TSPAN11: variants seen among roughly 807,000 people sequenced by gnomAD.
TSPAN11 encodes tetraspanin 11.
Under a neutral mutation model 32.9 loss-of-function variants are expected in TSPAN11, and 29 were observed. The ratio of observed to expected loss-of-function variants is 0.88; its 90% CI spans 0.66 to 1.20. The LOEUF (loss-of-function observed/expected upper bound fraction) is 1.20. Among genes scored for constraint, TSPAN11 ranks in the 50% most tolerant of loss-of-function variants. The pLI is 0.00. For synonymous variants in TSPAN11, 140 were observed against 141.3 expected (o/e 0.99, Z 0.07); for missense variants, 283 against 329.1 (o/e 0.86, Z 1.08).
At chr12:31,000,294 G>A (rs1321650355), downstream of TSPAN11, among the ~76,000 whole-genome samples, 2 of 152,164 alleles carry the variant, frequency 1.3e-5, no homozygotes, top group Non-Finnish European at 2.9e-5. Context: ...CATCCACCTC[G>A]ATACACCAAC....
chr12:30,963,058 A>C (rs1938645282), intron 2 of TSPAN11, among the ~76,000 whole-genome samples: 1 of 152,194 alleles, frequency 6.6e-6, no homozygotes. Flanking sequence ...CCTATCTGCA[A>C]ATCAGGAGGG....
intron 3 of TSPAN11, among the ~76,000 whole-genome samples, chr12:30,974,103 T>C (rs1592488355): frequency 6.6e-6 from 1 of 152,234 alleles, no homozygotes; most frequent in African/African-American, 2.4e-5. Flanking sequence ...GCCGCAGAGG[T>C]GCCCTCCCAG....
chr12:30,940,271 GT>G (rs746253559), intron 1 of TSPAN11, among the ~76,000 whole-genome samples: 13 of 152,214 alleles, frequency 8.5e-5, no homozygotes, highest in Non-Finnish European at 1.2e-4. Context: ...TTCTCAAAGA[GT>G]TCATGAGTGT....
At chr12:30,940,582 C>T (rs1026171136) in intron 1 of TSPAN11, among the ~76,000 whole-genome samples, 1 of 152,090 alleles carries the variant, frequency 6.6e-6, no homozygotes, top group African/African-American at 2.4e-5. Flanking sequence ...AAGAGCCAAC[C>T]TGGGATGTTT....
chr12:30,965,395 A>G (rs117786619), intron 3 of TSPAN11, among the ~76,000 whole-genome samples: 2 of 152,098 alleles, frequency 1.3e-5, no homozygotes, highest in Non-Finnish European at 2.9e-5. Flanking sequence ...CCGTCGGGTC[A>G]TCTTGTTTAG....
intron 7 of TSPAN11, among the ~76,000 whole-genome samples, chr12:30,990,221 G>A (rs1939285066): frequency 6.6e-6 from 1 of 152,196 alleles, no homozygotes; most frequent in Non-Finnish European, 1.5e-5. Flanking sequence ...CCCTTACTGT[G>A]CCTGTCCTGG....
At position 30,978,542 on chromosome 12, in the gene TSPAN11, CCTCT is replaced by C. The variant is rs750842465; in HGVS notation, c.277-14_277-11del. 6.2e-7 allele frequency: 1 copy of C among 1,613,740 alleles called. No homozygotes were observed. The highest frequency in any genetic ancestry group is 2.2e-5 in the East Asian group (1 of 44,882). ...GCAACCCGATCCCAGTGGTGACCGT[CCTCT>C]CTCTTTGCTGCTAGTATTTCTGCCT... On this transcript the variant is annotated splice_polypyrimidine_tract_variant and intron_variant, in intron 3 of 7. Coordinates refer to ENST00000546076, the MANE Select transcript of TSPAN11 (RefSeq NM_001370302.1).
Position 30,954,019 on chromosome 12 carries a change from G to C in TSPAN11, c.28G>C (p.Asp10His). The C allele has an allele frequency of 6.2e-7, 1 of 1,613,844 alleles. No homozygotes were observed. Among genetic ancestry groups the C allele is most frequent in the Non-Finnish European group, 8.5e-7 (1 of 1,180,016 alleles). MAHYKTEQD[D>H]WLIIYLKYLL... ...GGCCCACTATAAGACTGAGCAGGACGACTGGCTGATCATCTACTTGAAGTA... is the reference window on the plus strand; with the variant it reads ...GGCCCACTATAAGACTGAGCAGGACCACTGGCTGATCATCTACTTGAAGTA... The change falls in exon 2 of 8, where the codon GAC becomes CAC. Residue 10 changes from aspartate (D) to histidine (H), a missense_variant. Asp to His is a moderately conservative substitution (Grantham distance 81, BLOSUM62 -1). Coordinates refer to ENST00000546076, the MANE Select transcript of TSPAN11 (RefSeq NM_001370302.1).
At chr12:30,950,256 G>T (rs1938356151) in intron 1 of TSPAN11, among the ~76,000 whole-genome samples, 1 of 152,162 alleles carries the variant, frequency 6.6e-6, no homozygotes, top group African/African-American at 2.4e-5. Context: ...CTCATACTCT[G>T]TACCAGTGGC....
chr12:30,946,042 G>T (rs1938260572), intron 1 of TSPAN11, among the ~76,000 whole-genome samples: 1 of 152,214 alleles, frequency 6.6e-6, no homozygotes, highest in African/African-American at 2.4e-5. Flanking sequence ...CGCTCAGTTA[G>T]TTTGTTTCAG....
At position 30,963,918 on chromosome 12, in the gene TSPAN11, C is replaced by T. The variant is rs1938670578; in HGVS notation, c.177C>T (p.Ala59=). The change falls in exon 3 of 8, where the codon GCC becomes GCT. Residue 59 remains alanine, a synonymous_variant. Coordinates refer to ENST00000546076, the MANE Select transcript of TSPAN11 (RefSeq NM_001370302.1). ...LSVLASSTFA[A]SAYILIFAGV... ...TCCTGGCCTCCAGCACCTTTGCCGC[C>T]TCCGCCTACATCCTCATCTTTGCGG... 2.5e-6 allele frequency: 4 copies of T among 1,613,776 alleles called. No individual in the cohort carries two copies. The highest frequency in any genetic ancestry group is 2.2e-5 in the East Asian group (1 of 44,890).
intron 1 of TSPAN11, among the ~76,000 whole-genome samples, chr12:30,944,683 CTGTT>C (rs1938231986): frequency 6.6e-6 from 1 of 152,214 alleles, no homozygotes; most frequent in South Asian, 2.1e-4. Flanking sequence ...CAATGGAAGA[CTGTT>C]TGGTCTTTTA....
At chr12:30,943,836 G>A (rs532502622) in intron 1 of TSPAN11, among the ~76,000 whole-genome samples, 1 of 152,366 alleles carries the variant, frequency 6.6e-6, no homozygotes, top group South Asian at 2.1e-4. Context: ...AGAGGGAAAC[G>A]GGCACAGAAG....
At chr12:30,936,563 G>A (rs1023588510) in intron 1 of TSPAN11, among the ~76,000 whole-genome samples, 4 of 152,194 alleles carry the variant, frequency 2.6e-5, no homozygotes, top group Non-Finnish European at 4.4e-5. Context: ...TGGTGGGTTC[G>A]CAAGATGTTC....
chr12:30,973,675 C>T (rs1452617204), intron 3 of TSPAN11, among the ~76,000 whole-genome samples: 1 of 152,140 alleles, frequency 6.6e-6, no homozygotes, highest in African/African-American at 2.4e-5. Context: ...AGCGGGGGCC[C>T]TCTCTGGCAC....
Position 30,948,489 on chromosome 12 carries a change from C to T in TSPAN11, c.-11-5492C>T, listed in dbSNP as rs540347315. Among the ~76,000 whole-genome samples the T allele has an allele frequency of 3.9e-5, 6 of 152,212 alleles. No homozygotes were observed. In the South Asian group the frequency reaches 8.3e-4, roughly 21 times the overall value. ...CAAACCTCAGTTCTTGACTTCTGTG[C>T]ACCCACAGGCCCAACACCACGTGGA... On this transcript the variant is annotated intron_variant, in intron 1 of 7. Coordinates refer to ENST00000546076, the MANE Select transcript of TSPAN11 (RefSeq NM_001370302.1).
At chr12:31,000,895 C>CA (rs1352501494), downstream of TSPAN11, among the ~76,000 whole-genome samples, 1 of 152,184 alleles carries the variant, frequency 6.6e-6, no homozygotes, top group African/African-American at 2.4e-5. Context: ...GGATGAATAG[C>CA]AAAAATGCTG....
At chr12:30,957,228 A>C (rs1260926043) in intron 2 of TSPAN11, among the ~76,000 whole-genome samples, 1,445 of 106,874 alleles carry the variant, frequency 0.014, no homozygotes, top group Admixed American at 0.022. Context: ...ATGGCCTGGG[A>C]CCCCCCCCCC....
intron 5 of TSPAN11, 59 bp downstream of exon 5, chr12:30,979,729 G>C: frequency 6.4e-7 from 1 of 1,571,944 alleles, no homozygotes; most frequent in South Asian, 1.1e-5. Context: ...AATCCCGACT[G>C]TTCTTTCCTT....
Sources: allele counts gnomAD v4.1 joint callset (sites outside exome capture counted in the v4.1 genomes callset), GRCh38; gene constraint gnomAD v4.1.1; transcripts MANE v1.5; gene names NCBI Gene and HGNC (gene_info 2026-07-23, HGNC 2026-07-21).